Variants in HS6ST2 observed in about 807,000 individuals in gnomAD.
HS6ST2 encodes the protein heparan sulfate 6-O-sulfotransferase 2, also known as heparan-sulfate 6-O-sulfotransferase 2.
In HS6ST2, 17 loss-of-function variants were observed where a neutral mutation model predicts 33.0. That is an observed-to-expected ratio of 0.52 (90% CI 0.35 to 0.77). The LOEUF (loss-of-function observed/expected upper bound fraction) is 0.77, where lower values mean the gene tolerates loss of function less well. Among genes scored for constraint, HS6ST2 ranks in the 30% least tolerant of loss-of-function variants. HS6ST2 has a pLI of 0.01. For missense variants in HS6ST2, 519 were observed against 551.7 expected (o/e 0.94, Z 0.59); for synonymous variants, 248 against 237.1 (o/e 1.05, Z -0.42).
At chrX:132,904,003 A>G (rs2066448864) in intron 2 of HS6ST2, among the ~76,000 whole-genome samples, 1 of 111,698 alleles carries the variant, frequency 9.0e-6, no homozygotes. Context: ...AGCCTCCCTC[A>G]GGTCCCTCTA....
intron 2 of HS6ST2, among the ~76,000 whole-genome samples, chrX:132,718,390 C>A (rs1483443612): frequency 8.9e-6 from 1 of 111,780 alleles, no homozygotes; most frequent in Non-Finnish European, 1.9e-5. Context: ...GAGAAATTTG[C>A]TCAAGGTCAT....
In HS6ST2 at chrX:132,759,396, A is replaced by T. The variant is rs1352479097; in HGVS notation, c.948-50902T>A. On this transcript the variant is annotated intron_variant, in intron 2 of 4. Transcript: ENST00000370833. ...GAGTATATTTCTTTTATTTAGGAAT[A>T]TGTTTCTGATTGATTTTTGGAAAAA... 9.9e-5 allele frequency among the ~76,000 whole-genome samples: 11 copies of T among 111,465 alleles called. No individual in the cohort carries two copies. The East Asian group carries it at 2.5e-3, about 26-fold the overall frequency.
intron 2 of HS6ST2, among the ~76,000 whole-genome samples, chrX:132,944,344 T>C (rs901549718): frequency 1.8e-5 from 2 of 110,976 alleles, no homozygotes; most frequent in Non-Finnish European, 3.8e-5. Context: ...CACTGCTCGA[T>C]GAAACAAGAG....
chrX:132,881,782 A>G (rs2066176944), intron 2 of HS6ST2, among the ~76,000 whole-genome samples: 1 of 111,664 alleles, frequency 9.0e-6, no homozygotes, highest in African/African-American at 3.3e-5. Flanking sequence ...TCTTTAATCC[A>G]TCTTGAATTA....
At chrX:132,850,287 T>C (rs1200673728) in intron 2 of HS6ST2, among the ~76,000 whole-genome samples, 1 of 112,103 alleles carries the variant, frequency 8.9e-6, no homozygotes, top group Middle Eastern at 4.2e-3. Flanking sequence ...GAGCCAATTT[T>C]CCTCACTTTT....
At chrX:132,715,804 C>T (rs1235002830) in intron 2 of HS6ST2, among the ~76,000 whole-genome samples, 1 of 112,707 alleles carries the variant, frequency 8.9e-6, no homozygotes, top group Non-Finnish European at 1.9e-5. Context: ...TGAAATTCTT[C>T]TTTCTCAGTA....
chrX:132,836,365 C>T (rs942905240), intron 2 of HS6ST2, among the ~76,000 whole-genome samples: 9 of 112,466 alleles, frequency 8.0e-5, no homozygotes, highest in Admixed American at 3.7e-4. Context: ...ACAATCTATC[C>T]GTAAACATGA....
chrX:132,747,979 T>A (rs1602635739), intron 2 of HS6ST2, among the ~76,000 whole-genome samples: 1 of 111,816 alleles, frequency 8.9e-6, no homozygotes, highest in South Asian at 3.8e-4. Context: ...GATTTTTTTT[T>A]AAAAGGTTGA....
chrX:132,933,144 A>G (rs913167227), intron 2 of HS6ST2, among the ~76,000 whole-genome samples: 3 of 109,272 alleles, frequency 2.7e-5, no homozygotes, highest in Non-Finnish European at 5.7e-5. Flanking sequence ...CCTGGCCAAC[A>G]TGGTGAAACC....
intron 2 of HS6ST2, among the ~76,000 whole-genome samples, chrX:132,864,700 G>A (rs1312278481): frequency 1.8e-5 from 2 of 110,615 alleles, no homozygotes; most frequent in African/African-American, 6.6e-5. Flanking sequence ...TATTTTCCAG[G>A]AGAACGTCCC....
intron 2 of HS6ST2, among the ~76,000 whole-genome samples, chrX:132,827,241 A>G (rs1486412970): frequency 1.8e-5 from 2 of 111,266 alleles, no homozygotes; most frequent in Admixed American, 9.6e-5. Flanking sequence ...AGCATTATTC[A>G]AGCCTAGAAA....
chrX:132,813,337 C>T (rs1042575309), intron 2 of HS6ST2, among the ~76,000 whole-genome samples: 4 of 110,622 alleles, frequency 3.6e-5, no homozygotes, highest in African/African-American at 9.9e-5. Context: ...CTCTCTCTCA[C>T]TTACTCTTGG....
chrX:132,734,226 A>G (rs1459448578), intron 2 of HS6ST2, among the ~76,000 whole-genome samples: 2 of 107,980 alleles, frequency 1.9e-5, no homozygotes, highest in Non-Finnish European at 3.8e-5. Context: ...TCTATCTTGG[A>G]CAAAAAAGTG....
At chrX:132,847,443 C>T (rs1310462463) in intron 2 of HS6ST2, among the ~76,000 whole-genome samples, 1 of 111,297 alleles carries the variant, frequency 9.0e-6, no homozygotes, top group Non-Finnish European at 1.9e-5. Context: ...ATGACAGTAT[C>T]ACCCCGGTTG....
chrX:132,915,848 C>T (rs1193943603), intron 2 of HS6ST2, among the ~76,000 whole-genome samples: 1 of 108,605 alleles, frequency 9.2e-6, no homozygotes, highest in East Asian at 2.9e-4. Flanking sequence ...CCTGCCTCAG[C>T]CCCCCGAGTA....
chrX:132,655,321 G>C (rs1211755849), intron 4 of HS6ST2, among the ~76,000 whole-genome samples: 1 of 111,917 alleles, frequency 8.9e-6, no homozygotes, highest in Non-Finnish European at 1.9e-5. Flanking sequence ...ATGGAGTAAG[G>C]GGCACAGTAA....
At chrX:132,856,543 A>T (rs1295046247) in intron 2 of HS6ST2, among the ~76,000 whole-genome samples, 3 of 111,850 alleles carry the variant, frequency 2.7e-5, no homozygotes, top group Middle Eastern at 4.2e-3. Flanking sequence ...TTTTCTTCAG[A>T]TTCCTTAAAG....
intron 2 of HS6ST2, among the ~76,000 whole-genome samples, chrX:132,725,735 C>A (rs2064386026): frequency 8.9e-6 from 1 of 111,909 alleles, no homozygotes; most frequent in Non-Finnish European, 1.9e-5. Context: ...GCACTGTTCA[C>A]AATAGCTAAA....
chrX:132,830,755 G>A (rs923489846), intron 2 of HS6ST2, among the ~76,000 whole-genome samples: 1 of 111,600 alleles, frequency 9.0e-6, no homozygotes, highest in Non-Finnish European at 1.9e-5. Flanking sequence ...AAAGTAGGCT[G>A]TCACTGGGGT....
Sources: allele counts gnomAD v4.1 joint callset (sites outside exome capture counted in the v4.1 genomes callset), GRCh38; gene constraint gnomAD v4.1.1; transcripts MANE v1.5; gene names NCBI Gene and HGNC (gene_info 2026-07-23, HGNC 2026-07-21).